The following PCDH11X variants were observed in gnomAD, a reference collection of about 807,000 sequenced individuals.
The protein encoded by PCDH11X is protocadherin 11 X-linked, also known as protocadherin-11 X-linked.
A neutral mutation model predicts 53.3 loss-of-function variants in PCDH11X; 18 were observed. The ratio of observed to expected loss-of-function variants is 0.34; its 90% CI spans 0.23 to 0.50. PCDH11X has a LOEUF of 0.50. PCDH11X is among the 20% of genes least tolerant of loss of function. The pLI, the probability that PCDH11X is intolerant of heterozygous loss-of-function variation, is 0.98. For synonymous variants in PCDH11X, 279 were observed against 393.3 expected (o/e 0.71, Z 3.44); for missense variants, 570 against 1,032.4 (o/e 0.55, Z 6.14).
intron 10 of PCDH11X, among the ~76,000 whole-genome samples, chrX:92,525,926 G>A (rs986895143): frequency 2.3e-4 from 25 of 110,824 alleles, no homozygotes; most frequent in Non-Finnish European, 4.5e-4. Flanking sequence ...GAGTGCTACC[G>A]GGTGACCTAA....
chrX:92,248,874 T>C (rs1189781811), intron 7 of PCDH11X, among the ~76,000 whole-genome samples: 3 of 109,930 alleles, frequency 2.7e-5, no homozygotes, highest in African/African-American at 6.6e-5. Context: ...GCTAATATTT[T>C]TGTATTTTTA....
intron 8 of PCDH11X, among the ~76,000 whole-genome samples, chrX:92,289,919 A>G (rs1379637863): frequency 6.3e-5 from 7 of 111,776 alleles, no homozygotes; most frequent in African/African-American, 2.3e-4. Flanking sequence ...ATTTTCCTAA[A>G]TCATATATAC....
chrX:92,390,300 C>A lies in PCDH11X; in HGVS notation c.3343+2367C>A, dbSNP rs192184968. Among the ~76,000 whole-genome samples the A allele has an allele frequency of 6.4e-5, 7 of 108,863 alleles. No individual in the cohort carries two copies. In the East Asian group the frequency reaches 2.0e-3, roughly 31 times the overall value. 94.5% of individuals were successfully genotyped at this position (108,863 alleles called of 115,157 possible). A position where few individuals can be genotyped will look rare whatever the true frequency, so the allele number is the denominator to read the frequency against. On this transcript the variant is annotated intron_variant, in intron 9 of 10. Transcript: ENST00000682573. ...GAGACCTTACTAAAAGTGCAAGAAG[C>A]GCAATAATTTACTTGAAATGAAGCT...
chrX:92,313,461 T>A (rs769986811), intron 8 of PCDH11X, among the ~76,000 whole-genome samples: 1 of 111,510 alleles, frequency 9.0e-6, no homozygotes, highest in African/African-American at 3.3e-5. Flanking sequence ...TTGTTTCTTG[T>A]GGTCCTTACA....
chrX:92,032,114 T>C (rs1392816899), intron 6 of PCDH11X, among the ~76,000 whole-genome samples: 1 of 112,028 alleles, frequency 8.9e-6, no homozygotes, highest in Non-Finnish European at 1.9e-5. Flanking sequence ...TCCAATTCAT[T>C]AACATGGAAT....
At chrX:92,584,939 G>A (rs1407013785) in intron 10 of PCDH11X, among the ~76,000 whole-genome samples, 1 of 108,762 alleles carries the variant, frequency 9.2e-6, no homozygotes, top group Non-Finnish European at 1.9e-5. Flanking sequence ...GATTACAGGC[G>A]TGTGCCATCA....
intron 6 of PCDH11X, among the ~76,000 whole-genome samples, chrX:92,090,721 T>C (rs769133156): frequency 1.0e-3 from 113 of 110,581 alleles, no homozygotes; most frequent in Non-Finnish European, 1.4e-3. Flanking sequence ...TAATTGCTAA[T>C]GCATTTGTAT....
At chrX:92,373,238 G>C (rs1179054720) in intron 8 of PCDH11X, among the ~76,000 whole-genome samples, 2 of 111,497 alleles carry the variant, frequency 1.8e-5, no homozygotes, top group Non-Finnish European at 3.8e-5. Context: ...CTTACATGCT[G>C]TATTGGACAA....
At chrX:92,000,864 A>G (rs2062497987) in intron 6 of PCDH11X, among the ~76,000 whole-genome samples, 1 of 90,780 alleles carries the variant, frequency 1.1e-5, no homozygotes, top group Non-Finnish European at 2.2e-5. Flanking sequence ...TTCACTTAAC[A>G]TAATGATCAC....
intron 9 of PCDH11X, among the ~76,000 whole-genome samples, chrX:92,443,823 T>C (rs2072568605): frequency 9.0e-6 from 1 of 111,722 alleles, no homozygotes; most frequent in African/African-American, 3.2e-5. Flanking sequence ...TTGTTGAAGA[T>C]AAGATGGTTT....
chrX:92,343,951 G>T (rs771411162), intron 8 of PCDH11X, among the ~76,000 whole-genome samples: 23 of 109,744 alleles, frequency 2.1e-4, no homozygotes, highest in African/African-American at 7.6e-4. Flanking sequence ...TTGAAAGCTG[G>T]TTATACAAAC....
At chrX:92,255,852 A>T (rs2148404765) in intron 7 of PCDH11X, among the ~76,000 whole-genome samples, 1 of 112,180 alleles carries the variant, frequency 8.9e-6, no homozygotes, top group Non-Finnish European at 1.9e-5. Flanking sequence ...TCAGACAGGG[A>T]CATTTAAGTC....
intron 6 of PCDH11X, among the ~76,000 whole-genome samples, chrX:92,001,472 C>CTT (rs57766143): frequency 0.011 from 999 of 91,755 alleles, 11 homozygotes; most frequent in African/African-American, 0.018. Flanking sequence ...TTTTTTCTTT[C>CTT]TTTTTTTTTT....
intron 8 of PCDH11X, among the ~76,000 whole-genome samples, chrX:92,321,354 A>G (rs1231974216): frequency 1.2e-4 from 13 of 107,497 alleles, no homozygotes; most frequent in Non-Finnish European, 3.8e-5. Flanking sequence ...CACCATGCCC[A>G]GCTAATTTTT....
chrX:92,152,788 TATG>T (rs2065460563), intron 6 of PCDH11X, among the ~76,000 whole-genome samples: 2 of 105,724 alleles, frequency 1.9e-5, no homozygotes, highest in South Asian at 8.9e-4. Flanking sequence ...TGTATGTATG[TATG>T]TATGTATTTA....
rs1272104902 is a variant in PCDH11X, at chrX:92,158,805, T to C, written c.3034-42570T>C. ...CACGCGCTGCCATGCCCAGCTAATTTTTGTATTTTTAGTAGAGACAGGGTT... is the reference window on the plus strand; with the variant it reads ...CACGCGCTGCCATGCCCAGCTAATTCTTGTATTTTTAGTAGAGACAGGGTT... On this transcript the variant is annotated intron_variant, in intron 6 of 10. Transcript: ENST00000682573. Among the ~76,000 whole-genome samples, 104 of 110,462 alleles carry C rather than the reference T, an allele frequency of 9.4e-4. 1 individual carries two copies. The highest frequency in any genetic ancestry group is 2.6e-4 in the Non-Finnish European group (14 of 52,914).
intron 8 of PCDH11X, among the ~76,000 whole-genome samples, chrX:92,331,954 T>C (rs900409040): frequency 8.9e-6 from 1 of 111,754 alleles, no homozygotes; most frequent in African/African-American, 3.2e-5. Context: ...TCTTTCCTTC[T>C]CCTTGTTGCT....
At chrX:92,083,533 T>C (rs2063897102) in intron 6 of PCDH11X, among the ~76,000 whole-genome samples, 1 of 111,717 alleles carries the variant, frequency 9.0e-6, no homozygotes, top group Non-Finnish European at 1.9e-5. Context: ...TTATTTTAAA[T>C]ATGAGGGGAA....
At chrX:92,064,753 C>T (rs1429629127) in intron 6 of PCDH11X, among the ~76,000 whole-genome samples, 16 of 109,150 alleles carry the variant, frequency 1.5e-4, no homozygotes, top group African/African-American at 4.8e-4. Context: ...TTTTTCTCCC[C>T]GGGGGAGGCA....
Sources: gnomAD v4.1 joint callset for allele counts (sites outside exome capture counted in the v4.1 genomes callset) on GRCh38, gnomAD v4.1.1 for gene constraint, MANE v1.5 for transcripts, NCBI Gene and HGNC (gene_info 2026-07-23, HGNC 2026-07-21) for gene names.